The following FER variants were observed in gnomAD, a reference collection of about 807,000 sequenced individuals.
FER encodes the protein FER tyrosine kinase, also known as tyrosine-protein kinase Fer.
FER carries 63 observed loss-of-function variants against 111.0 expected under a neutral mutation model. The ratio of observed to expected loss-of-function variants is 0.57; its 90% CI spans 0.46 to 0.70. The LOEUF is 0.70. Ranked by LOEUF, FER falls within the 30% of genes least tolerant of loss-of-function variation. The probability of loss-of-function intolerance (pLI) is 0.00; values close to 1 mark genes in which losing one functional copy is unlikely to be tolerated. For missense variants in FER, 914 were observed against 954.0 expected, an observed-to-expected ratio of 0.96 and a Z score of 0.55; for synonymous variants, 327 against 313.9, an observed-to-expected ratio of 1.04 and a Z score of -0.44.
At chr5:109,041,778 T>G (rs905762432) in intron 14 of FER, among the ~76,000 whole-genome samples, 1 of 152,016 alleles carries the variant, frequency 6.6e-6, no homozygotes, top group Non-Finnish European at 1.5e-5. Flanking sequence ...TGAGGAATAG[T>G]GGGTAATATA....
intron 10 of FER, among the ~76,000 whole-genome samples, chr5:108,911,119 C>T (rs571996129): frequency 1.9e-4 from 29 of 152,238 alleles, no homozygotes; most frequent in Non-Finnish European, 2.6e-4. Flanking sequence ...TCACCACATC[C>T]GCACTAGCAT....
At position 108,924,966 on chromosome 5, in the gene FER, C is replaced by G. The variant is rs548405661; in HGVS notation, c.1237-21164C>G. Among the ~76,000 whole-genome samples, 8 of 152,142 alleles carry G rather than the reference C, an allele frequency of 5.3e-5. No individual in the cohort carries two copies. The South Asian group carries it at 1.7e-3, about 32-fold the overall frequency. ...ACAATGCTATCACTTAGATGCTAAA[C>G]CAAAGCCACTGAAAAAAATGAAAGT... On this transcript the variant is annotated intron_variant, in intron 10 of 19. Transcript: ENST00000281092.
At chr5:109,123,549 T>C (rs1310902270) in intron 17 of FER, among the ~76,000 whole-genome samples, 1 of 152,156 alleles carries the variant, frequency 6.6e-6, no homozygotes, top group East Asian at 1.9e-4. Flanking sequence ...ATCTCTTGTA[T>C]GTTTTTAAAT....
intron 13 of FER, among the ~76,000 whole-genome samples, chr5:108,971,026 A>T (rs1760579611): frequency 6.6e-6 from 1 of 152,198 alleles, no homozygotes; most frequent in African/African-American, 2.4e-5. Flanking sequence ...TACATAACTC[A>T]CTAAAATATT....
At chr5:109,098,409 C>T (rs754202408) in intron 16 of FER, among the ~76,000 whole-genome samples, 2 of 151,670 alleles carry the variant, frequency 1.3e-5, no homozygotes, top group African/African-American at 2.4e-5. Flanking sequence ...TTCTACAGAA[C>T]AACACTGGGG....
intron 13 of FER, among the ~76,000 whole-genome samples, chr5:109,023,375 G>T (rs1395453814): frequency 6.6e-6 from 1 of 152,142 alleles, no homozygotes; most frequent in African/African-American, 2.4e-5. Context: ...AACATGGTTA[G>T]TCTGAGGTAC....
chr5:109,025,849 A>G (rs1372426806), intron 13 of FER, among the ~76,000 whole-genome samples: 7 of 152,232 alleles, frequency 4.6e-5, no homozygotes, highest in Admixed American at 6.5e-5. Flanking sequence ...GAATTTTGTC[A>G]AAGGCCTTTT....
At chr5:109,067,985 G>A (rs1775315933) in intron 16 of FER, among the ~76,000 whole-genome samples, 1 of 152,100 alleles carries the variant, frequency 6.6e-6, no homozygotes, top group Non-Finnish European at 1.5e-5. Flanking sequence ...CGTAATCATA[G>A]AAGGAATTTT....
chr5:109,168,599 A>G (rs1473888022), intron 17 of FER, among the ~76,000 whole-genome samples: 5 of 152,014 alleles, frequency 3.3e-5, no homozygotes, highest in African/African-American at 1.2e-4. Flanking sequence ...CCTTCCCCAT[A>G]CCTCTTCATT....
intron 13 of FER, among the ~76,000 whole-genome samples, chr5:108,999,885 G>A (rs992473874): frequency 6.6e-6 from 1 of 151,814 alleles, no homozygotes; most frequent in African/African-American, 2.4e-5. Flanking sequence ...TTGATTTTTA[G>A]TCTCTTTTAA....
At chr5:108,896,437 A>G (rs1454594605) in intron 9 of FER, among the ~76,000 whole-genome samples, 1 of 152,198 alleles carries the variant, frequency 6.6e-6, no homozygotes, top group East Asian at 1.9e-4. Context: ...GTTGAATGAT[A>G]ATGATGTAAA....
chr5:108,845,067 T>TATAC (rs1486282738), intron 5 of FER, among the ~76,000 whole-genome samples: 41 of 53,876 alleles, frequency 7.6e-4, no homozygotes, highest in South Asian at 4.7e-3. Flanking sequence ...TATATATATA[T>TATAC]ACACACACAC....
intron 16 of FER, among the ~76,000 whole-genome samples, chr5:109,064,599 C>T (rs866165770): frequency 1.4e-4 from 22 of 152,024 alleles, no homozygotes; most frequent in African/African-American, 4.8e-4. Flanking sequence ...GCCATAGATG[C>T]ATTATGTATG....
chr5:108,946,081 A>T, intron 10 of FER, 49 bp from the exon 11 acceptor site: 1 of 1,269,768 alleles, frequency 7.9e-7, no homozygotes, highest in Non-Finnish European at 1.2e-6. Flanking sequence ...ATGTCTATAC[A>T]TATTGGATAG....
chr5:108,906,389 T>G (rs1343374516), intron 10 of FER, among the ~76,000 whole-genome samples: 3 of 152,330 alleles, frequency 2.0e-5, no homozygotes, highest in South Asian at 2.1e-4. Flanking sequence ...TAAGCATGTT[T>G]GTGATCTACT....
chr5:109,139,629 G>T (rs1457778843), intron 17 of FER, among the ~76,000 whole-genome samples: 1 of 151,918 alleles, frequency 6.6e-6, no homozygotes, highest in African/African-American at 2.4e-5. Flanking sequence ...AGATTTAGAG[G>T]TTTTCTGCAA....
rs1255231135 is a variant in FER, at chr5:109,187,830, G to A, written c.*255G>A. The A allele has an allele frequency of 2.1e-6, 1 of 481,742 alleles. No individual in the cohort carries two copies. The highest frequency in any genetic ancestry group is 3.7e-6 in the Non-Finnish European group (1 of 268,314). 29.8% of individuals were successfully genotyped at this position (481,742 alleles called of 1,614,324 possible). On this transcript the variant is annotated 3_prime_UTR_variant, in exon 20 of 20. Transcript: ENST00000281092. ...CTACCATTTCAGGCCATTGCAAATA[G>A]AAAAGCACAGGCTTCTAAGTGTGTG...
chr5:109,010,465 C>G (rs1441192305), intron 13 of FER, among the ~76,000 whole-genome samples: 1 of 151,992 alleles, frequency 6.6e-6, no homozygotes, highest in Non-Finnish European at 1.5e-5. Flanking sequence ...CCTTTTTTAT[C>G]CTTCTTTAAA....
At chr5:109,180,494 T>C (rs1758175915) in intron 17 of FER, among the ~76,000 whole-genome samples, 1 of 152,132 alleles carries the variant, frequency 6.6e-6, no homozygotes, top group Non-Finnish European at 1.5e-5. Context: ...AAAGCTAGAA[T>C]CGGTGTTTTT....
Sources: allele counts gnomAD v4.1 joint callset (sites outside exome capture counted in the v4.1 genomes callset), GRCh38; gene constraint gnomAD v4.1.1; transcripts MANE v1.5; gene names NCBI Gene and HGNC (gene_info 2026-07-23, HGNC 2026-07-21).